The following PCDHA2 variants were observed in gnomAD, a reference collection of about 807,000 sequenced individuals.
PCDHA2 encodes the protein protocadherin alpha-2.
PCDHA2 carries 58 observed loss-of-function variants against 66.0 expected under a neutral mutation model. That is an observed-to-expected ratio of 0.88 (90% CI 0.71 to 1.09). PCDHA2 has a LOEUF of 1.09. Among genes scored for constraint, PCDHA2 ranks in the 50% least tolerant of loss-of-function variants. PCDHA2 has a pLI of 0.00. For synonymous variants in PCDHA2, 634 were observed against 554.0 expected (o/e 1.14, Z -2.03); for missense variants, 1,267 against 1,242.3 (o/e 1.02, Z -0.30).
At chr5:140,822,270 A>G (rs2150115049) in intron 1 of PCDHA2, 7 of 1,614,138 alleles carry the variant, frequency 4.3e-6, no homozygotes, top group African/African-American at 4.0e-5. Flanking sequence ...GAGCAAATGC[A>G]CAATTGAGAT....
intron 1 of PCDHA2, among the ~76,000 whole-genome samples, chr5:140,933,321 C>T (rs1266539168): frequency 2.6e-5 from 4 of 151,928 alleles, no homozygotes; most frequent in Non-Finnish European, 5.9e-5. Context: ...CTCGTATTCT[C>T]CTGTGCTGTA....
At chr5:140,942,679 G>T (rs549826522) in intron 1 of PCDHA2, among the ~76,000 whole-genome samples, 8 of 151,904 alleles carry the variant, frequency 5.3e-5, no homozygotes, top group Non-Finnish European at 8.8e-5. Flanking sequence ...AAAGTTTTAG[G>T]AATAACTTTA....
intron 1 of PCDHA2, chr5:140,825,411 A>C (rs1439734521): frequency 6.8e-6 from 1 of 146,452 alleles, no homozygotes; most frequent in Non-Finnish European, 1.5e-5. Flanking sequence ...TATATATTTT[A>C]TATAATATAT....
At chr5:140,870,554 A>C (rs1554164402) in intron 1 of PCDHA2, 1 of 1,614,044 alleles carries the variant, frequency 6.2e-7, no homozygotes, top group African/African-American at 1.3e-5. Context: ...GCGGACGCGC[A>C]GGAGAACGCG....
chr5:140,926,811 C>T, intron 1 of PCDHA2: 3 of 1,464,260 alleles, frequency 2.0e-6, no homozygotes, highest in Admixed American at 5.2e-5. Flanking sequence ...CCCCGCGGCT[C>T]GTGCTCTCCA....
intron 1 of PCDHA2, among the ~76,000 whole-genome samples, chr5:140,896,646 G>C (rs1330006792): frequency 6.6e-6 from 1 of 152,078 alleles, no homozygotes; most frequent in Non-Finnish European, 1.5e-5. Flanking sequence ...CAAAGTGCTA[G>C]TATTACAGGC....
At chr5:140,967,142 C>T in intron 1 of PCDHA2, 1 of 1,611,304 alleles carries the variant, frequency 6.2e-7, no homozygotes, top group Non-Finnish European at 8.5e-7. Flanking sequence ...AGTGCTGGCG[C>T]ACAACCCCGT....
At chr5:140,797,397 T>A (rs943252194) in intron 1 of PCDHA2, 45 bp downstream of exon 1, 3 of 1,557,104 alleles carry the variant, frequency 1.9e-6, no homozygotes, top group Non-Finnish European at 2.6e-6. Flanking sequence ...TTGTTCTTTT[T>A]AAAAAATTCT....
chr5:140,871,140 C>A, intron 1 of PCDHA2: 1 of 1,613,454 alleles, frequency 6.2e-7, no homozygotes, highest in Non-Finnish European at 8.5e-7. Context: ...AGGCCTCTTC[C>A]CGGACTTTGG....
intron 1 of PCDHA2, chr5:140,871,364 G>T (rs113722940): frequency 2.5e-6 from 4 of 1,614,102 alleles, no homozygotes; most frequent in Non-Finnish European, 3.4e-6. Context: ...CAGCAGAGGC[G>T]GCAGAGGGTG....
At chr5:140,856,497 G>GA (rs781946866) in intron 1 of PCDHA2, 1 of 1,598,346 alleles carries the variant, frequency 6.3e-7, no homozygotes, top group Admixed American at 1.7e-5. Flanking sequence ...CTTGACTCTC[G>GA]ATTTCCACTA....
chr5:140,865,816 A>G (rs1554159628), intron 1 of PCDHA2: 1 of 152,168 alleles, frequency 6.6e-6, no homozygotes, highest in East Asian at 1.9e-4. Context: ...TTTATCCACT[A>G]TAATGTAGAG....
chr5:140,805,050 G>GT (rs1554123206), intron 1 of PCDHA2: 18 of 1,590,844 alleles, frequency 1.1e-5, no homozygotes, highest in Non-Finnish European at 1.4e-5. Flanking sequence ...CAAAGTACTT[G>GT]TCTTCCCAGA....
intron 1 of PCDHA2, chr5:140,863,338 C>T (rs1297413635): frequency 1.3e-5 from 18 of 1,361,566 alleles, no homozygotes; most frequent in Non-Finnish European, 1.8e-5. Flanking sequence ...GCTCACGTTG[C>T]TGCTGTACAC....
At chr5:140,864,091 A>C (rs564098013) in intron 1 of PCDHA2, 4 of 152,590 alleles carry the variant, frequency 2.6e-5, no homozygotes, top group Admixed American at 2.0e-4. Context: ...TTCAGTTGAT[A>C]AGTATAATGA....
intron 1 of PCDHA2, chr5:140,865,597 G>A (rs1391602074): frequency 6.6e-6 from 1 of 152,154 alleles, no homozygotes; most frequent in Non-Finnish European, 1.5e-5. Context: ...CATTGTTTGA[G>A]CAGTTTATTA....
chr5:140,802,262 A>C (rs782016322), intron 1 of PCDHA2: 5 of 1,614,236 alleles, frequency 3.1e-6, no homozygotes, highest in Non-Finnish European at 4.2e-6. Context: ...TTCAATCACT[A>C]TCTTTACCTG....
chr5:140,795,988 G>T lies in PCDHA2; in HGVS notation c.1024G>T (p.Asp342Tyr). 1.2e-6 allele frequency: 2 copies of T among 1,614,070 alleles called. No individual in the cohort carries two copies. Among genetic ancestry groups the T allele is most frequent in the Middle Eastern group, 1.6e-4 (1 of 6,062 alleles). The change falls in exon 1 of 4, where the codon GAC becomes TAC. Residue 342 changes from aspartate (D) to tyrosine (Y), a missense_variant. Coordinates refer to ENST00000526136, the MANE Select transcript of PCDHA2 (RefSeq NM_018905.3). ...TTGTAAAATTTCATTAAAACTTGTG[G>T]ACATCAATGATAACACACCAGAAGT... ...GHCKISLKLVDINDNTPEVSI... is the reference protein window; with the variant it reads ...GHCKISLKLVYINDNTPEVSI...
chr5:140,797,125 C>T lies in PCDHA2; in HGVS notation c.2161C>T (p.Leu721=). 1.9e-6 allele frequency: 3 copies of T among 1,614,012 alleles called. No homozygotes were observed. The highest frequency in any genetic ancestry group is 2.5e-6 in the Non-Finnish European group (3 of 1,179,964). The change falls in exon 1 of 4, where the codon CTG becomes TTG. Residue 721 remains leucine, a synonymous_variant. Transcript: ENST00000526136. ...GCTCACGGTGCTGCTGTACACTGCG[C>T]TGCGGTGCTCGGTGCCACCCACCGA... is the stretch of plus-strand genomic sequence containing the variant. ...LVLTVLLYTA[L]RCSVPPTEGA...
Sources: allele counts gnomAD v4.1 joint callset (sites outside exome capture counted in the v4.1 genomes callset), GRCh38; gene constraint gnomAD v4.1.1; transcripts MANE v1.5; gene names NCBI Gene and HGNC (gene_info 2026-07-23, HGNC 2026-07-21).